SEMA6D: variants seen among roughly 807,000 people sequenced by gnomAD.
SEMA6D encodes the protein semaphorin 6D.
Under a neutral mutation model 106.6 loss-of-function variants are expected in SEMA6D, and 35 were observed. That is an observed-to-expected ratio of 0.33 (90% CI 0.25 to 0.44). SEMA6D has a LOEUF of 0.44. SEMA6D is among the 20% of genes least tolerant of loss of function. The probability of loss-of-function intolerance (pLI) is 1.00; values close to 1 mark genes in which losing one functional copy is unlikely to be tolerated. For synonymous variants in SEMA6D, 499 were observed against 487.7 expected (o/e 1.02, Z -0.31); for missense variants, 1,185 against 1,345.9 (o/e 0.88, Z 1.87).
intron 1 of SEMA6D, among the ~76,000 whole-genome samples, chr15:47,267,304 T>C (rs1383764578): frequency 6.6e-6 from 1 of 152,052 alleles, no homozygotes; most frequent in East Asian, 1.9e-4. Context: ...TGGGGAAGTC[T>C]CTTTTTTTTT....
intron 4 of SEMA6D, among the ~76,000 whole-genome samples, chr15:47,702,633 G>T (rs1320359423): frequency 6.6e-6 from 1 of 152,168 alleles, no homozygotes; most frequent in East Asian, 1.9e-4. Flanking sequence ...CCTTCAGTAG[G>T]TGAATGGATA....
intron 1 of SEMA6D, among the ~76,000 whole-genome samples, chr15:47,204,013 C>T (rs139531762): frequency 1.3e-5 from 2 of 152,238 alleles, no homozygotes; most frequent in Admixed American, 1.3e-4. Flanking sequence ...TTACAAACCT[C>T]CTTTGACTTG....
chr15:47,350,761 G>A (rs2038291663), intron 1 of SEMA6D, among the ~76,000 whole-genome samples: 1 of 152,168 alleles, frequency 6.6e-6, no homozygotes, highest in Non-Finnish European at 1.5e-5. Flanking sequence ...GACAGATGTT[G>A]TGGGTTCAAA....
chr15:47,263,190 A>G (rs1338354028), intron 1 of SEMA6D, among the ~76,000 whole-genome samples: 2 of 152,224 alleles, frequency 1.3e-5, no homozygotes, highest in African/African-American at 4.8e-5. Flanking sequence ...AAGAAAAATT[A>G]ACAAATGGAT....
intron 4 of SEMA6D, among the ~76,000 whole-genome samples, chr15:47,671,630 A>G (rs2078139520): frequency 6.6e-6 from 1 of 152,214 alleles, no homozygotes; most frequent in South Asian, 2.1e-4. Context: ...GAGCAGGAAA[A>G]AAAAAATCAT....
At chr15:47,382,856 C>G (rs903148532) in intron 1 of SEMA6D, among the ~76,000 whole-genome samples, 3 of 152,216 alleles carry the variant, frequency 2.0e-5, no homozygotes, top group Non-Finnish European at 4.4e-5. Context: ...TAACCTCCGG[C>G]TCCCGGGCTC....
chr15:47,605,629 G>A (rs373301322), intron 4 of SEMA6D, among the ~76,000 whole-genome samples: 9 of 151,964 alleles, frequency 5.9e-5, no homozygotes, highest in African/African-American at 1.7e-4. Flanking sequence ...CCACATCCCC[G>A]ATCCCCACCA....
At position 47,772,597 on chromosome 15, in the gene SEMA6D, G is replaced by C. The variant is rs2082679330; in HGVS notation, c.*812G>C. 6.6e-6 allele frequency: 1 copy of C among 152,530 alleles called. No individual in the cohort carries two copies. Among genetic ancestry groups the C allele is most frequent in the Non-Finnish European group, 1.5e-5 (1 of 68,028 alleles). The allele number at this position is 152,530 out of a possible 1,614,324, so 9.4% of individuals were successfully genotyped here. ...TGTGGTACCCAATGCCAGAATGTAA[G>C]AGTTGCAAGTGATTTTGTGCTGCTA... On this transcript the variant is annotated 3_prime_UTR_variant, in exon 19 of 19. Transcript: ENST00000536845.
chr15:47,479,720 C>A (rs542212670), intron 3 of SEMA6D, among the ~76,000 whole-genome samples: 1 of 151,976 alleles, frequency 6.6e-6, no homozygotes, highest in African/African-American at 2.4e-5. Context: ...CATTTGCTAT[C>A]AAAGGAATGA....
chr15:47,726,097 C>T (rs1165174348), intron 1 of SEMA6D, among the ~76,000 whole-genome samples: 3 of 152,234 alleles, frequency 2.0e-5, no homozygotes, highest in Admixed American at 1.3e-4. Context: ...CTTGTTGAAG[C>T]GAAGGGCAAG....
intron 3 of SEMA6D, among the ~76,000 whole-genome samples, chr15:47,548,189 G>A (rs1275978015): frequency 6.6e-6 from 1 of 152,140 alleles, no homozygotes. Flanking sequence ...CCCAGCGATG[G>A]GCTAAGTGGT....
chr15:47,347,807 C>CAGA (rs2038106917), intron 1 of SEMA6D, among the ~76,000 whole-genome samples: 1 of 152,124 alleles, frequency 6.6e-6, no homozygotes, highest in Admixed American at 6.5e-5. Flanking sequence ...CTACTACACC[C>CAGA]AGAAAATTAT....
At chr15:47,582,504 A>C (rs185936136) in intron 3 of SEMA6D, among the ~76,000 whole-genome samples, 402 of 152,312 alleles carry the variant, frequency 2.6e-3, no homozygotes, top group Admixed American at 5.2e-3. Context: ...TACACTAAGC[A>C]AAAGAGGCAG....
chr15:47,381,838 A>G (rs183082699), intron 1 of SEMA6D, among the ~76,000 whole-genome samples: 136 of 152,288 alleles, frequency 8.9e-4, no homozygotes, highest in African/African-American at 3.1e-3. Flanking sequence ...CTAAGGAGTC[A>G]TTGGGAACAT....
At position 47,512,336 on chromosome 15, in the gene SEMA6D, C is replaced by T. The variant is rs145310422; in HGVS notation, c.-87+41791C>T. On this transcript the variant is annotated intron_variant, in intron 3 of 19. Coordinates refer to the SEMA6D transcript ENST00000558014. ...GCTCAGATTAATATTCTTTATTTCT[C>T]CTGCATGTGTGATCATGATAGAGAA... 5.5e-3 allele frequency among the ~76,000 whole-genome samples: 839 copies of T among 152,330 alleles called. 6 individuals are homozygous for T. Among genetic ancestry groups the T allele is most frequent in the Admixed American group, 0.015 (223 of 15,298 alleles).
intron 1 of SEMA6D, among the ~76,000 whole-genome samples, chr15:47,345,730 A>C (rs1407864038): frequency 1.3e-5 from 2 of 152,202 alleles, no homozygotes; most frequent in Non-Finnish European, 2.9e-5. Flanking sequence ...TAAAGAAGCC[A>C]CAGCAAAAAG....
Position 47,364,674 on chromosome 15 carries a change from C to T in SEMA6D, c.-238-47719C>T, listed in dbSNP as rs565505235. 8.5e-5 allele frequency among the ~76,000 whole-genome samples: 13 copies of T among 152,236 alleles called. 1 individual carries two copies. The South Asian group carries it at 2.7e-3, about 32-fold the overall frequency. ...AGCCAACCATCCCATCACTCCACGGCCTCTTTCCAGTGCCCCTCCCCCAAT... is the reference window on the plus strand; with the variant it reads ...AGCCAACCATCCCATCACTCCACGGTCTCTTTCCAGTGCCCCTCCCCCAAT... On this transcript the variant is annotated intron_variant, in intron 1 of 19. Transcript: ENST00000558014.
intron 3 of SEMA6D, among the ~76,000 whole-genome samples, chr15:47,531,793 T>C (rs1395991692): frequency 1.3e-5 from 2 of 152,208 alleles, no homozygotes; most frequent in African/African-American, 4.8e-5. Flanking sequence ...CCCATGCCTA[T>C]AATTATTTAT....
At chr15:47,337,091 G>A (rs575961308) in intron 1 of SEMA6D, among the ~76,000 whole-genome samples, 46 of 152,106 alleles carry the variant, frequency 3.0e-4, no homozygotes, top group Non-Finnish European at 4.9e-4. Flanking sequence ...TTTGAGGGGT[G>A]CATCAAGGTA....
Sources: gnomAD v4.1 joint callset for allele counts (sites outside exome capture counted in the v4.1 genomes callset) on GRCh38, gnomAD v4.1.1 for gene constraint, MANE v1.5 for transcripts, NCBI Gene and HGNC (gene_info 2026-07-23, HGNC 2026-07-21) for gene names.